IL1RAPL1: variants seen among roughly 807,000 people sequenced by gnomAD.
The protein encoded by IL1RAPL1 is interleukin 1 receptor accessory protein like 1.
IL1RAPL1 carries 3 observed loss-of-function variants against 48.4 expected under a neutral mutation model. That is an observed-to-expected ratio of 0.06 (90% confidence interval 0.03 to 0.16). The LOEUF is 0.16. IL1RAPL1 is among the 10% of genes least tolerant of loss of function. The pLI is 1.00. For missense variants in IL1RAPL1, 349 were observed against 530.6 expected, an observed-to-expected ratio of 0.66 and a Z score of 3.36; for synonymous variants, 185 against 187.7, an observed-to-expected ratio of 0.99 and a Z score of 0.12.
chrX:28,601,536 C>G (rs1934026726), intron 1 of IL1RAPL1, among the ~76,000 whole-genome samples: 1 of 111,240 alleles, frequency 9.0e-6, no homozygotes, highest in Non-Finnish European at 1.9e-5. Flanking sequence ...AATTTTTTCC[C>G]TCACTTGACC....
rs769443174 is a variant in IL1RAPL1 at position 29,788,300 on chromosome X, T to C, written c.778+119796T>C. On this transcript the variant is annotated intron_variant, in intron 6 of 10. Coordinates refer to ENST00000378993, the MANE Select transcript of IL1RAPL1 (RefSeq NM_014271.4). ...ACCTAGATTCTCGTGCTTGTAGATATAATATTCTAGTAAGGAAACACAGAC... is the reference window on the plus strand; with the variant it reads ...ACCTAGATTCTCGTGCTTGTAGATACAATATTCTAGTAAGGAAACACAGAC... Among the ~76,000 whole-genome samples, 241 of 111,722 alleles carry C rather than the reference T, an allele frequency of 2.2e-3. 1 individual carries two copies. Among genetic ancestry groups the C allele is most frequent in the African/African-American group, 7.6e-3 (234 of 30,837 alleles).
At chrX:29,028,718 G>C (rs189541738) in intron 2 of IL1RAPL1, among the ~76,000 whole-genome samples, 8 of 110,869 alleles carry the variant, frequency 7.2e-5, no homozygotes, top group African/African-American at 2.6e-4. Context: ...TTTATACCTG[G>C]GGTCTATTCT....
chrX:29,398,280 G>A (rs1933944620), intron 4 of IL1RAPL1, among the ~76,000 whole-genome samples: 1 of 111,949 alleles, frequency 8.9e-6, no homozygotes, highest in South Asian at 3.7e-4. Flanking sequence ...AAGGCATTGA[G>A]CCACATAAAA....
At chrX:29,319,212 G>T (rs73212164) in intron 3 of IL1RAPL1, among the ~76,000 whole-genome samples, 17,816 of 96,602 alleles carry the variant, frequency 0.18, 1,845 homozygotes, top group African/African-American at 0.36. Flanking sequence ...CTATAGTTGA[G>T]ACAAGGTCTT....
intron 2 of IL1RAPL1, among the ~76,000 whole-genome samples, chrX:29,198,668 G>A (rs1156528302): frequency 9.0e-6 from 1 of 111,291 alleles, no homozygotes; most frequent in Non-Finnish European, 1.9e-5. Context: ...GCAGGCAATG[G>A]CAATTGTTGG....
intron 6 of IL1RAPL1, among the ~76,000 whole-genome samples, chrX:29,753,383 C>T (rs986343633): frequency 9.0e-6 from 1 of 111,524 alleles, no homozygotes; most frequent in Non-Finnish European, 1.9e-5. Flanking sequence ...CATTTAATGA[C>T]CTGAATCCAT....
At chrX:29,841,523 C>T (rs952569038) in intron 6 of IL1RAPL1, among the ~76,000 whole-genome samples, 26 of 110,817 alleles carry the variant, frequency 2.3e-4, no homozygotes, top group African/African-American at 7.9e-4. Flanking sequence ...CAAGCTATAC[C>T]CTTGATGACA....
chrX:29,399,531 A>G (rs1933961605), intron 5 of IL1RAPL1, among the ~76,000 whole-genome samples: 3 of 111,874 alleles, frequency 2.7e-5, no homozygotes, highest in African/African-American at 9.7e-5. Flanking sequence ...TAGAAATGTT[A>G]ACTTTTGGGC....
At chrX:28,994,376 C>T (rs1161001623) in intron 2 of IL1RAPL1, among the ~76,000 whole-genome samples, 1 of 111,300 alleles carries the variant, frequency 9.0e-6, no homozygotes, top group Non-Finnish European at 1.9e-5. Context: ...CTGTGATTGC[C>T]GGAATGACTG....
chrX:29,499,502 G>C (rs1045024991), intron 5 of IL1RAPL1, among the ~76,000 whole-genome samples: 4 of 111,214 alleles, frequency 3.6e-5, no homozygotes, highest in African/African-American at 1.3e-4. Context: ...TCACATATTT[G>C]CTACTACACA....
At chrX:29,775,768 A>G (rs1569165674) in intron 6 of IL1RAPL1, among the ~76,000 whole-genome samples, 1 of 111,538 alleles carries the variant, frequency 9.0e-6, no homozygotes, top group East Asian at 2.8e-4. Flanking sequence ...AGTTCCTGAC[A>G]GAGGAATTAG....
rs1289156484 is a variant in IL1RAPL1, at chrX:29,399,387, T to A, written c.703+79T>A. 5 of 812,378 alleles carry A rather than the reference T, an allele frequency of 6.2e-6. No individual in the cohort carries two copies. The African/African-American group carries it at 1.0e-4, about 17-fold the overall frequency. The allele number at this position is 812,378 out of a possible 1,213,427, so 66.9% of individuals were successfully genotyped here. On this transcript the variant is annotated intron_variant, in intron 5 of 10. Transcript: ENST00000378993. ...TTAGTTTTTATGCTACACATTGATATTTTTACTCTCTAAAGAATTACATAA... is the reference window on the plus strand; with the variant it reads ...TTAGTTTTTATGCTACACATTGATAATTTTACTCTCTAAAGAATTACATAA...
rs60394568 is a variant in IL1RAPL1, at chrX:28,820,011, T to C, written c.82+30586T>C. ...ATATATATATATATATATATATATA[T>C]ATACATGTACTGTATCTACAAATGA... On this transcript the variant is annotated intron_variant, in intron 2 of 10. Transcript: ENST00000378993. Among the ~76,000 whole-genome samples, 419 of 76,433 alleles carry C rather than the reference T, an allele frequency of 5.5e-3. 8 individuals carry two copies. The highest frequency in any genetic ancestry group is 0.018 in the African/African-American group (344 of 19,369). The allele number at this position is 76,433 out of a possible 115,157, so 66.4% of individuals were successfully genotyped here.
At chrX:29,930,033 A>G (rs1010263817) in intron 8 of IL1RAPL1, among the ~76,000 whole-genome samples, 3 of 112,240 alleles carry the variant, frequency 2.7e-5, no homozygotes, top group Admixed American at 9.5e-5. Flanking sequence ...AGTTGGCAGT[A>G]TTAAAATACA....
intron 1 of IL1RAPL1, among the ~76,000 whole-genome samples, chrX:28,721,016 C>T (rs767530524): frequency 9.8e-5 from 11 of 112,145 alleles, no homozygotes; most frequent in Admixed American, 9.5e-4. Context: ...TGGGTTGGTT[C>T]CAAGTCTTTG....
chrX:28,864,722 T>C (rs1312374071), intron 2 of IL1RAPL1, among the ~76,000 whole-genome samples: 1 of 111,266 alleles, frequency 9.0e-6, no homozygotes, highest in East Asian at 2.8e-4. Context: ...GTGTTGGGCA[T>C]GAAGGAAAGT....
chrX:29,407,897 G>A (rs1161059905), intron 5 of IL1RAPL1, among the ~76,000 whole-genome samples: 1 of 112,063 alleles, frequency 8.9e-6, no homozygotes, highest in Non-Finnish European at 1.9e-5. Context: ...AATTTGATAT[G>A]CATAAAATTC....
chrX:29,233,558 G>T (rs191322538), intron 2 of IL1RAPL1, among the ~76,000 whole-genome samples: 1 of 110,944 alleles, frequency 9.0e-6, no homozygotes, highest in Admixed American at 9.7e-5. Context: ...GGATTATGAG[G>T]TCAGGTCCTG....
At chrX:29,313,721 TA>T (rs1460452413) in intron 3 of IL1RAPL1, among the ~76,000 whole-genome samples, 1 of 111,935 alleles carries the variant, frequency 8.9e-6, no homozygotes, top group Non-Finnish European at 1.9e-5. Flanking sequence ...AAACAAGTCC[TA>T]GAAATGTTAC....
Sources: allele counts gnomAD v4.1 joint callset (sites outside exome capture counted in the v4.1 genomes callset), GRCh38; gene constraint gnomAD v4.1.1; transcripts MANE v1.5; gene names NCBI Gene and HGNC (gene_info 2026-07-23, HGNC 2026-07-21).